The following PBX1 variants were observed in gnomAD, a reference collection of about 807,000 sequenced individuals.
PBX1 encodes the protein PBX homeobox 1, also known as pre-B-cell leukemia transcription factor 1.
In PBX1, 6 loss-of-function variants were observed where a neutral mutation model predicts 53.4. The ratio of observed to expected loss-of-function variants is 0.11; its 90% CI spans 0.06 to 0.22. PBX1 has a LOEUF of 0.22. Ranked by LOEUF, PBX1 falls within the 10% of genes least tolerant of loss-of-function variation. The probability of loss-of-function intolerance (pLI) is 1.00; values close to 1 mark genes in which losing one functional copy is unlikely to be tolerated. For synonymous variants in PBX1, 204 were observed against 212.3 expected, an observed-to-expected ratio of 0.96 and a Z score of 0.34; for missense variants, 251 against 551.4, an observed-to-expected ratio of 0.46 and a Z score of 5.46.
At chr1:164,574,719 C>A (rs1654100783) in intron 2 of PBX1, among the ~76,000 whole-genome samples, 1 of 152,180 alleles carries the variant, frequency 6.6e-6, no homozygotes, top group South Asian at 2.1e-4. Flanking sequence ...TGGTGGCTCA[C>A]ACCTATAATC....
At chr1:164,774,718 T>A (rs1386302800) in intron 2 of PBX1, 2 of 152,202 alleles carry the variant, frequency 1.3e-5, no homozygotes, top group African/African-American at 4.8e-5. Flanking sequence ...GGGCATCAGC[T>A]GGAATCTGAT....
chr1:164,776,932 T>A (rs1558001434), intron 2 of PBX1, among the ~76,000 whole-genome samples: 1 of 74,568 alleles, frequency 1.3e-5, no homozygotes, highest in Non-Finnish European at 2.5e-5. Context: ...TGTGTGTGTG[T>A]GTGGTGGGAG....
intron 2 of PBX1, among the ~76,000 whole-genome samples, chr1:164,695,094 A>G (rs1229697805): frequency 1.3e-5 from 2 of 152,372 alleles, no homozygotes; most frequent in African/African-American, 2.4e-5. Context: ...GTATGTCACA[A>G]GTAATTTTGA....
intron 2 of PBX1, among the ~76,000 whole-genome samples, chr1:164,865,639 C>G (rs1672199759): frequency 6.6e-6 from 1 of 152,188 alleles, no homozygotes; most frequent in Non-Finnish European, 1.5e-5. Flanking sequence ...GAGGCTGATC[C>G]ACTTTCCAAA....
At chr1:164,787,758 A>G (rs1204618516) in intron 2 of PBX1, 1 of 152,246 alleles carries the variant, frequency 6.6e-6, no homozygotes, top group Non-Finnish European at 1.5e-5. Flanking sequence ...AGCAAGGTAC[A>G]TGTGACATCA....
At chr1:164,788,723 A>G (rs1668324658) in intron 2 of PBX1, among the ~76,000 whole-genome samples, 1 of 150,666 alleles carries the variant, frequency 6.6e-6, no homozygotes, top group Non-Finnish European at 1.5e-5. Flanking sequence ...TTTGGAAATG[A>G]CTGTTGTTGG....
chr1:164,714,384 G>A (rs765732737), intron 2 of PBX1, among the ~76,000 whole-genome samples: 6 of 152,140 alleles, frequency 3.9e-5, no homozygotes, highest in African/African-American at 7.2e-5. Flanking sequence ...TTACATTATC[G>A]TTGGAACAGT....
At chr1:164,722,342 A>C (rs1003995430) in intron 2 of PBX1, among the ~76,000 whole-genome samples, 1 of 152,184 alleles carries the variant, frequency 6.6e-6, no homozygotes, top group Admixed American at 6.5e-5. Context: ...CTGATTACTT[A>C]GTGGAGAGTG....
intron 2 of PBX1, among the ~76,000 whole-genome samples, chr1:164,688,466 G>A (rs1662257296): frequency 6.6e-6 from 1 of 152,118 alleles, no homozygotes; most frequent in Admixed American, 6.5e-5. Context: ...CAGTTCCATA[G>A]CATTGCAAAA....
intron 2 of PBX1, among the ~76,000 whole-genome samples, chr1:164,746,059 G>A (rs1282637680): frequency 2.0e-5 from 3 of 152,186 alleles, no homozygotes; most frequent in African/African-American, 7.2e-5. Flanking sequence ...ATTAGTACAT[G>A]TATATTTTTA....
At chr1:164,859,878 C>T (rs1672059074) in intron 2 of PBX1, among the ~76,000 whole-genome samples, 1 of 152,132 alleles carries the variant, frequency 6.6e-6, no homozygotes, top group Non-Finnish European at 1.5e-5. Flanking sequence ...CTGTATTTAT[C>T]AATGTACAAG....
rs1034348936 is a variant in PBX1, at chr1:164,834,035, G to A, written c.1200+12409G>A. 2.6e-3 allele frequency among the ~76,000 whole-genome samples: 361 copies of A among 138,326 alleles called. 3 individuals are homozygous for A. Among genetic ancestry groups the A allele is most frequent in the African/African-American group, 0.011 (334 of 30,794 alleles). The allele number at this position is 138,326 out of a possible 152,430, so 90.7% of individuals were successfully genotyped here. On this transcript the variant is annotated intron_variant, in intron 8 of 8. Transcript: ENST00000420696. ...TATGGGTATATATATGTATATGTGT[G>A]TGTGTGTGTGTGTGTGTGTGTGTGT... is the stretch of plus-strand genomic sequence containing the variant.
chr1:164,700,537 G>A, intron 2 of PBX1: 1 of 985,374 alleles, frequency 1.0e-6, no homozygotes, highest in Non-Finnish European at 1.2e-6. Flanking sequence ...CCACTGACCA[G>A]AATGTGGTGG....
At chr1:164,771,867 C>G (rs1401001620) in intron 2 of PBX1, among the ~76,000 whole-genome samples, 1 of 152,152 alleles carries the variant, frequency 6.6e-6, no homozygotes, top group Non-Finnish European at 1.5e-5. Flanking sequence ...CCCCGCCAGA[C>G]CTGTCTGTCT....
chr1:164,669,440 G>A (rs1162948084), intron 2 of PBX1, among the ~76,000 whole-genome samples: 3 of 152,172 alleles, frequency 2.0e-5, no homozygotes, highest in Non-Finnish European at 4.4e-5. Context: ...AGGACATGGG[G>A]TGGGGGCACA....
At chr1:164,881,342 AAGG>A (rs879630697) in intron 2 of PBX1, among the ~76,000 whole-genome samples, 22,728 of 106,176 alleles carry the variant, frequency 0.21, 4,196 homozygotes, top group Non-Finnish European at 0.29. Flanking sequence ...AGAAGGAAGG[AAGG>A]AAGGAAGGAA....
chr1:164,842,638 G>A (rs1046904978), intron 8 of PBX1, among the ~76,000 whole-genome samples: 4 of 152,056 alleles, frequency 2.6e-5, no homozygotes, highest in Non-Finnish European at 5.9e-5. Context: ...TGGGTCACAC[G>A]TCCCAGGTGT....
intron 3 of PBX1, among the ~76,000 whole-genome samples, chr1:164,795,510 G>A (rs191708375): frequency 1.3e-5 from 2 of 152,318 alleles, no homozygotes; most frequent in African/African-American, 4.8e-5. Context: ...ATTATGTTCA[G>A]TGTAGAAGTT....
At chr1:164,667,356 TATA>T (rs1294251191) in intron 2 of PBX1, among the ~76,000 whole-genome samples, 7 of 151,050 alleles carry the variant, frequency 4.6e-5, no homozygotes, top group Non-Finnish European at 8.8e-5. Context: ...AAATATATAA[TATA>T]ATCTATATAA....
Sources: gnomAD v4.1 joint callset for allele counts (sites outside exome capture counted in the v4.1 genomes callset) on GRCh38, gnomAD v4.1.1 for gene constraint, MANE v1.5 for transcripts, NCBI Gene and HGNC (gene_info 2026-07-23, HGNC 2026-07-21) for gene names.